The following CMAS variants were observed in gnomAD, a reference collection of about 807,000 sequenced individuals.
The protein encoded by CMAS is N-acylneuraminate cytidylyltransferase.
CMAS carries 21 observed loss-of-function variants against 53.4 expected under a neutral mutation model. That is an observed-to-expected ratio of 0.39 (90% CI 0.28 to 0.57). The LOEUF is 0.57. Among genes scored for constraint, CMAS ranks in the 20% least tolerant of loss-of-function variants. The pLI, the probability that CMAS is intolerant of heterozygous loss-of-function variation, is 0.56. For missense variants in CMAS, 384 were observed against 534.9 expected (o/e 0.72, Z 2.78); for synonymous variants, 189 against 195.2 (o/e 0.97, Z 0.27).
intron 7 of CMAS, 31 bp from the exon 8 acceptor site, chr12:22,065,090 A>G (rs1420399899): frequency 6.5e-7 from 1 of 1,540,502 alleles, no homozygotes; most frequent in Non-Finnish European, 8.9e-7. Flanking sequence ...GTCTCTTTAA[A>G]TGTTTGCTCA....
At chr12:22,062,734 A>G (rs1308865843) in intron 7 of CMAS, among the ~76,000 whole-genome samples, 3 of 152,156 alleles carry the variant, frequency 2.0e-5, no homozygotes, top group Non-Finnish European at 4.4e-5. Context: ...GGAGATATCG[A>G]GAGTACCTAT....
At position 22,065,331 on chromosome 12, in the gene CMAS, A is replaced by G. The variant is rs1464369853; in HGVS notation, c.*20A>G. On this transcript the variant is annotated 3_prime_UTR_variant, in exon 8 of 8. Transcript: ENST00000229329. The stretch of plus-strand genomic sequence containing the variant: ...AAATAGAAATTAGCGTAATATTGAG[A>G]AAAAAATGATACAGCCTTCTTCAGC... 1 of 1,576,966 alleles carries G rather than the reference A, an allele frequency of 6.3e-7. No individual in the cohort carries two copies. The highest frequency in any genetic ancestry group is 1.3e-5 in the African/African-American group (1 of 74,122).
chr12:22,056,630 CTGCT>C (rs139429129), intron 3 of CMAS, among the ~76,000 whole-genome samples: 2,304 of 152,280 alleles, frequency 0.015, 60 homozygotes, highest in African/African-American at 0.052. Context: ...TGATGTCTCC[CTGCT>C]TTCCAGCCCA....
rs1251912642 is a variant in CMAS, at chr12:22,055,602, A to C, written c.551A>C (p.Gln184Pro). 3 of 1,607,344 alleles carry C rather than the reference A, an allele frequency of 1.9e-6. No individual in the cohort carries two copies. The highest frequency in any genetic ancestry group is 2.7e-5 in the African/African-American group (2 of 74,664). Reference protein sequence around the residue: ...RRHQFRWSEIQKGVREVTEPL... With the variant: ...RRHQFRWSEIPKGVREVTEPL... ...CATCAGTTTCGATGGAGTGAAATTCAGAAAGGAGGTAATCTCTTTTCAGTC... is the reference window on the plus strand; with the variant it reads ...CATCAGTTTCGATGGAGTGAAATTCCGAAAGGAGGTAATCTCTTTTCAGTC... Residue 184 changes from glutamine to proline, a missense_variant, in exon 3 of 8, where the codon CAG becomes CCG. By Grantham distance (76) the Gln-to-Pro change is moderately conservative. This residue lies in a region of CMAS where 139 missense variants were observed against 248.0 expected (regional missense o/e 0.56). Transcript: ENST00000229329.
intron 3 of CMAS, 49 bp from the exon 4 acceptor site, chr12:22,058,518 C>T (rs1350630682): frequency 1.3e-6 from 2 of 1,537,046 alleles, no homozygotes; most frequent in African/African-American, 2.8e-5. Flanking sequence ...TAAATTAACA[C>T]TTTCTATATT....
Position 22,063,941 on chromosome 12 carries a change from A to AAT in CMAS, c.1115-1179_1115-1178insTA, listed in dbSNP as rs1166773184. The AAT allele has an allele frequency of 2.0e-5, 3 of 152,106 alleles. No individual in the cohort carries two copies. In the East Asian group the frequency reaches 5.8e-4, roughly 29 times the overall value. 9.4% of individuals were successfully genotyped at this position (152,106 alleles called of 1,614,324 possible). ...GAGGCCCCATGTCTACAAAAAAAAA[A>AAT]AATAATAACTCACTCACCAATGTTT... On this transcript the variant is annotated intron_variant, in intron 7 of 7. Coordinates refer to ENST00000229329, the MANE Select transcript of CMAS (RefSeq NM_018686.6).
At chr12:22,053,597 G>C (rs1454293900) in intron 1 of CMAS, among the ~76,000 whole-genome samples, 1 of 151,238 alleles carries the variant, frequency 6.6e-6, no homozygotes, top group Non-Finnish European at 1.5e-5. Flanking sequence ...AACATGGTGG[G>C]GGCCGGGCAC....
Position 22,046,511 on chromosome 12 carries a change from C to T in CMAS, c.208C>T (p.Pro70Ser). 6.2e-7 allele frequency: 1 copy of T among 1,604,860 alleles called. No individual in the cohort carries two copies. The highest frequency in any genetic ancestry group is 8.5e-7 in the Non-Finnish European group (1 of 1,176,510). Residue 70 changes from proline (P) to serine (S), a missense_variant, in exon 1 of 8, where the codon CCG becomes TCG. Transcript: ENST00000229329. ...GAACATTAAGCACCTGGCGGGGGTC[C>T]CGCTCATTGGCTGGGTCCTGCGTGC... Reference protein sequence around the residue: ...LKNIKHLAGVPLIGWVLRAAL... With the variant: ...LKNIKHLAGVSLIGWVLRAAL...
chr12:22,051,595 A>G (rs1258691114), intron 1 of CMAS, among the ~76,000 whole-genome samples: 3 of 152,188 alleles, frequency 2.0e-5, no homozygotes, highest in East Asian at 3.8e-4. Flanking sequence ...TCTCTTTTGC[A>G]TAGCCCCATC....
At chr12:22,049,160 A>G (rs1950224567) in intron 1 of CMAS, among the ~76,000 whole-genome samples, 1 of 152,146 alleles carries the variant, frequency 6.6e-6, no homozygotes, top group Non-Finnish European at 1.5e-5. Flanking sequence ...CTCATTGGGT[A>G]CCCTGCTCAT....
chr12:22,046,582 G>A lies in CMAS; in HGVS notation c.260+19G>A. 6.6e-7 allele frequency: 1 copy of A among 1,514,574 alleles called. No individual in the cohort carries two copies. The highest frequency in any genetic ancestry group is 8.8e-7 in the Non-Finnish European group (1 of 1,130,792). The allele number at this position is 1,514,574 out of a possible 1,614,324, so 93.8% of individuals were successfully genotyped here. A position where few individuals can be genotyped will look rare whatever the true frequency, so the allele number is the denominator to read the frequency against. On this transcript the variant is annotated intron_variant, in intron 1 of 7. Transcript: ENST00000229329. ...TCCAGAGGTGCGCATGTGCGAGAGT[G>A]GGCGGCGCGGCCTGGGCGGGGGTCG... is the stretch of plus-strand genomic sequence containing the variant.
chr12:22,058,735 G>T (rs756699930), intron 4 of CMAS, 35 bp downstream of exon 4: 5 of 1,594,894 alleles, frequency 3.1e-6, no homozygotes, highest in Non-Finnish European at 3.4e-6. Flanking sequence ...CCTTTTAAGC[G>T]CTTTTGTAGG....
chr12:22,057,222 C>G (rs1241364875), intron 3 of CMAS, among the ~76,000 whole-genome samples: 2 of 135,662 alleles, frequency 1.5e-5, no homozygotes, highest in Non-Finnish European at 3.1e-5. Context: ...GAGTAACCAG[C>G]TATTACACAC....
intron 3 of CMAS, among the ~76,000 whole-genome samples, chr12:22,056,029 T>C (rs1320897158): frequency 6.6e-6 from 1 of 152,176 alleles, no homozygotes; most frequent in African/African-American, 2.4e-5. Context: ...TAACTCCATA[T>C]ATAAGAAGGG....
chr12:22,062,503 A>G, intron 7 of CMAS, 69 bp downstream of exon 7: 6 of 1,485,890 alleles, frequency 4.0e-6, no homozygotes, highest in Non-Finnish European at 5.6e-6. Flanking sequence ...TTTTAAAGAA[A>G]TGACAAAGCA....
chr12:22,065,015 T>A, intron 7 of CMAS, 106 bp from the exon 8 acceptor site: 1 of 787,718 alleles, frequency 1.3e-6, no homozygotes, highest in Non-Finnish European at 2.1e-6. Flanking sequence ...TGCCCCTAGG[T>A]CTTACTGAAG....
chr12:22,047,054 A>C (rs1352890165), intron 1 of CMAS, among the ~76,000 whole-genome samples: 1 of 152,090 alleles, frequency 6.6e-6, no homozygotes, highest in Non-Finnish European at 1.5e-5. Context: ...GCTGAATTTC[A>C]AGCTCAGCTT....
intron 3 of CMAS, among the ~76,000 whole-genome samples, chr12:22,056,607 C>T (rs1950269749): frequency 6.6e-6 from 1 of 152,056 alleles, no homozygotes; most frequent in Non-Finnish European, 1.5e-5. Context: ...ATCTGATGAC[C>T]ACAATACTAT....
chr12:22,062,407 C>T lies in CMAS; in HGVS notation c.1087C>T (p.Leu363=), dbSNP rs1202215731. The T allele has an allele frequency of 6.2e-7, 1 of 1,613,340 alleles. No individual in the cohort carries two copies. The highest frequency in any genetic ancestry group is 1.3e-5 in the African/African-American group (1 of 74,820). The stretch of plus-strand genomic sequence containing the variant: ...AGATGAATGGAGAAAAGAAATGGGC[C>T]TGTGCTGGAAAGAAGTGGCATATCT... The part of the protein sequence containing the change: ...VVDEWRKEMG[L]CWKEVAYLGN... Residue 363 remains leucine (L), a synonymous_variant, in exon 7 of 8, where the codon CTG becomes TTG. Transcript: ENST00000229329.
Sources: allele counts gnomAD v4.1 joint callset (sites outside exome capture counted in the v4.1 genomes callset), GRCh38; gene constraint gnomAD v4.1.1; regional missense constraint gnomAD v4.1.1; transcripts MANE v1.5; gene names NCBI Gene and HGNC (gene_info 2026-07-23, HGNC 2026-07-21).